IL2RA: variants seen among roughly 807,000 people sequenced by gnomAD.
IL2RA encodes the protein interleukin-2 receptor subunit alpha.
Under a neutral mutation model 37.8 loss-of-function variants are expected in IL2RA, and 24 were observed. The ratio of observed to expected loss-of-function variants is 0.63; its 90% CI spans 0.46 to 0.89. The LOEUF is 0.89. IL2RA is among the 40% of genes least tolerant of loss of function. IL2RA has a pLI of 0.00. For missense variants in IL2RA, 319 were observed against 348.6 expected, an observed-to-expected ratio of 0.92 and a Z score of 0.68; for synonymous variants, 125 against 114.6, an observed-to-expected ratio of 1.09 and a Z score of -0.58.
intron 7 of IL2RA, among the ~76,000 whole-genome samples, chr10:6,013,551 G>A (rs914946067): frequency 1.3e-5 from 2 of 152,148 alleles, no homozygotes; most frequent in African/African-American, 4.8e-5. Flanking sequence ...TGTTTAACAA[G>A]CAGCTCTCTG....
intron 1 of IL2RA, among the ~76,000 whole-genome samples, chr10:6,053,091 G>A (rs1216102559): frequency 6.6e-6 from 1 of 152,202 alleles, no homozygotes; most frequent in Non-Finnish European, 1.5e-5. Context: ...ATTACTCACA[G>A]CCTATTACTT....
Position 6,046,708 on chromosome 10 carries a change from A to G in IL2RA, c.64+15380T>C, listed in dbSNP as rs187862442. Among the ~76,000 whole-genome samples, 2 of 152,336 alleles carry G rather than the reference A, an allele frequency of 1.3e-5. No individual in the cohort carries two copies. The highest frequency in any genetic ancestry group is 4.8e-5 in the African/African-American group (2 of 41,574). On this transcript the variant is annotated intron_variant, in intron 1 of 7. Coordinates refer to ENST00000379959, the MANE Select transcript of IL2RA (RefSeq NM_000417.3). This position sits in a 1 kb window ranked among gnomAD's most constrained non-coding sequence, Gnocchi z 4.8. ...CATTTCTCCAGAGTTCCTTGAAAGC[A>G]TTGGTGCTCAACTATCCCTGCCTTA...
In IL2RA at chr10:6,024,237, C is replaced by G. The variant is rs11256369; in HGVS notation, c.367+7G>C. The G allele has an allele frequency of 0.22, 354,343 of 1,585,976 alleles. 41,976 individuals carry two copies. Among genetic ancestry groups the G allele is most frequent in the East Asian group, 0.25 (11,133 of 44,696 alleles). On this transcript the variant is annotated splice_region_variant and intron_variant, in intron 3 of 7. Transcript: ENST00000379959. ...GGAGTTAGCTGGAGGACAGATTCATCTCTCACCTGGAAGGCTCGCTTGGTC... is the reference window on the plus strand; with the variant it reads ...GGAGTTAGCTGGAGGACAGATTCATGTCTCACCTGGAAGGCTCGCTTGGTC...
At chr10:6,016,724 C>G (rs932733443) in intron 7 of IL2RA, among the ~76,000 whole-genome samples, 1 of 152,088 alleles carries the variant, frequency 6.6e-6, no homozygotes, top group Non-Finnish European at 1.5e-5. Flanking sequence ...AGGCACCCAC[C>G]ACCACGCCTG....
intron 1 of IL2RA, among the ~76,000 whole-genome samples, chr10:6,031,504 A>ATATATG (rs1839590125): frequency 1.4e-5 from 1 of 70,286 alleles, no homozygotes; most frequent in Non-Finnish European, 2.8e-5. Context: ...GTATATATAT[A>ATATATG]TATATATGTA....
rs1446315627 is a variant in IL2RA at position 6,028,056 on chromosome 10, G to T, written c.65-2031C>A. On this transcript the variant is annotated intron_variant, in intron 1 of 7. Coordinates refer to ENST00000379959, the MANE Select transcript of IL2RA (RefSeq NM_000417.3). The surrounding 1 kb of genome is among the most constrained non-coding windows in gnomAD (Gnocchi z 4.1). Reference sequence around the variant, plus strand: ...GCTTTCAGGTGCTGAACAACAGGCAGCTCAGGGCTACATGATTTTGGAGGA... The same window carrying T: ...GCTTTCAGGTGCTGAACAACAGGCATCTCAGGGCTACATGATTTTGGAGGA... 6.6e-6 allele frequency among the ~76,000 whole-genome samples: 1 copy of T among 152,188 alleles called. No homozygotes were observed. The highest frequency in any genetic ancestry group is 1.5e-5 in the Non-Finnish European group (1 of 68,030).
At chr10:6,040,127 A>G (rs12722653) in intron 1 of IL2RA, among the ~76,000 whole-genome samples, 3,816 of 152,354 alleles carry the variant, frequency 0.025, 182 homozygotes, top group African/African-American at 0.088. Context: ...CATAAGTGAC[A>G]TTGAAATCTG....
chr10:6,047,570 A>G lies in IL2RA; in HGVS notation c.64+14518T>C, dbSNP rs1839885137. On this transcript the variant is annotated intron_variant, in intron 1 of 7. Coordinates refer to ENST00000379959, the MANE Select transcript of IL2RA (RefSeq NM_000417.3). The surrounding 1 kb of genome is among the most constrained non-coding windows in gnomAD (Gnocchi z 5.0). ...AAATGTTCTCGGCTTCCCAGACACCAATGAAGGAGCTTATTATGAATATGA... is the reference window on the plus strand; with the variant it reads ...AAATGTTCTCGGCTTCCCAGACACCGATGAAGGAGCTTATTATGAATATGA... Among the ~76,000 whole-genome samples, 1 of 152,120 alleles carries G rather than the reference A, an allele frequency of 6.6e-6. No homozygotes were observed. Among genetic ancestry groups the G allele is most frequent in the Non-Finnish European group, 1.5e-5 (1 of 68,020 alleles).
rs750345445 is a variant in IL2RA at position 6,021,738 on chromosome 10, C to G, written c.368-45G>C. On this transcript the variant is annotated intron_variant, in intron 3 of 7. Transcript: ENST00000379959. This position sits in a 1 kb window ranked among gnomAD's most constrained non-coding sequence, Gnocchi z 4.9. ...CTCTGAAGGCAAGTTGGGGACAGCA[C>G]CGCGAGTGAGTCCAGGTTGCCTCTT... is the stretch of plus-strand genomic sequence containing the variant. The G allele has an allele frequency of 1.3e-6, 2 of 1,537,380 alleles. No individual in the cohort carries two copies. Among genetic ancestry groups the G allele is most frequent in the African/African-American group, 2.7e-5 (2 of 73,564 alleles).
intron 1 of IL2RA, among the ~76,000 whole-genome samples, chr10:6,026,786 G>C (rs1016327445): frequency 2.6e-5 from 4 of 152,224 alleles, no homozygotes; most frequent in African/African-American, 7.2e-5. Flanking sequence ...AAGTGGACGG[G>C]GAGATGACAG....
intron 7 of IL2RA, among the ~76,000 whole-genome samples, chr10:6,016,854 T>C (rs1487368764): frequency 6.6e-6 from 1 of 152,234 alleles, no homozygotes; most frequent in African/African-American, 2.4e-5. Context: ...ATTACAGGCA[T>C]GAGCCACAAC....
At position 6,029,122 on chromosome 10, in the gene IL2RA, CATTT is replaced by C. The variant is rs1321447908; in HGVS notation, c.65-3101_65-3098del. Among the ~76,000 whole-genome samples, 1 of 148,604 alleles carries C rather than the reference CATTT, an allele frequency of 6.7e-6. No individual in the cohort carries two copies. The highest frequency in any genetic ancestry group is 6.9e-5 in the Admixed American group (1 of 14,504). On this transcript the variant is annotated intron_variant, in intron 1 of 7. Transcript: ENST00000379959. This position sits in a 1 kb window ranked among gnomAD's most constrained non-coding sequence, Gnocchi z 4.6. Reference sequence around the variant, plus strand: ...AAACTATGACCTGCAGATTTGCTGCCATTTATTTTATTTATTTATTTATTTATTT... The same window carrying C: ...AAACTATGACCTGCAGATTTGCTGCCATTTTATTTATTTATTTATTTATTT...
Position 6,025,688 on chromosome 10 carries a change from G to T in IL2RA, c.256+146C>A. ...AAAAAAAAAATTGTGTTTAGTGAAT[G>T]ACTTTTCAGGAACCACTAAAATTAG... On this transcript the variant is annotated intron_variant, in intron 2 of 7. Transcript: ENST00000379959. The surrounding 1 kb of genome is among the most constrained non-coding windows in gnomAD (Gnocchi z 4.4). 1 of 778,282 alleles carries T rather than the reference G, an allele frequency of 1.3e-6. No individual in the cohort carries two copies. Among genetic ancestry groups the T allele is most frequent in the Non-Finnish European group, 2.2e-6 (1 of 463,448 alleles). The allele number at this position is 778,282 out of a possible 1,614,324, so 48.2% of individuals were successfully genotyped here.
intron 3 of IL2RA, among the ~76,000 whole-genome samples, chr10:6,023,352 G>C (rs779150203): frequency 6.6e-6 from 1 of 151,912 alleles, no homozygotes; most frequent in Non-Finnish European, 1.5e-5. Context: ...TTTTTTTGAG[G>C]GGGGACAGAG....
intron 1 of IL2RA, among the ~76,000 whole-genome samples, chr10:6,042,126 C>G (rs1214866497): frequency 1.5e-5 from 1 of 65,706 alleles, no homozygotes; most frequent in East Asian, 7.3e-4. Context: ...ACATTTGCAC[C>G]TGATGCTAGC....
chr10:6,051,239 G>T (rs1403607161), intron 1 of IL2RA, among the ~76,000 whole-genome samples: 6 of 152,070 alleles, frequency 3.9e-5, no homozygotes, highest in Non-Finnish European at 8.8e-5. Flanking sequence ...CATTGTCGGG[G>T]AAGCCACCAG....
At chr10:6,037,679 G>A (rs541251953) in intron 1 of IL2RA, among the ~76,000 whole-genome samples, 2 of 152,312 alleles carry the variant, frequency 1.3e-5, no homozygotes, top group South Asian at 4.1e-4. Flanking sequence ...CTGGGTGTCA[G>A]AGACCCGAAT....
chr10:6,019,236 CAACCAACT>C (rs928232597), intron 6 of IL2RA, among the ~76,000 whole-genome samples, 184 bp downstream of exon 6: 104 of 152,320 alleles, frequency 6.8e-4, no homozygotes, highest in African/African-American at 2.2e-3. Flanking sequence ...ACCAAGCAAC[CAACCAACT>C]AACCAACTAA....
At chr10:6,053,691 C>T (rs185969160) in intron 1 of IL2RA, among the ~76,000 whole-genome samples, 27 of 152,306 alleles carry the variant, frequency 1.8e-4, no homozygotes, top group African/African-American at 6.5e-4. Flanking sequence ...GGTGGGGTCT[C>T]ACTATGTTGC....
Sources: gnomAD v4.1 joint callset for allele counts (sites outside exome capture counted in the v4.1 genomes callset) on GRCh38, gnomAD v4.1.1 for gene constraint, Gnocchi (gnomAD v3.1) non-coding constraint, MANE v1.5 for transcripts, NCBI Gene and HGNC (gene_info 2026-07-23, HGNC 2026-07-21) for gene names.